Variants in PCTP observed in about 807,000 individuals in gnomAD.
PCTP encodes the protein START domain-containing protein 2.
In PCTP, 27 loss-of-function variants were observed where a neutral mutation model predicts 31.0. The ratio of observed to expected loss-of-function variants is 0.87; its 90% CI spans 0.64 to 1.20. PCTP has a LOEUF of 1.20. Among genes scored for constraint, PCTP ranks in the 50% most tolerant of loss-of-function variants. The pLI is 0.00. For missense variants in PCTP, 287 were observed against 268.2 expected, an observed-to-expected ratio of 1.07 and a Z score of -0.49; for synonymous variants, 108 against 101.2, an observed-to-expected ratio of 1.07 and a Z score of -0.40.
chr17:55,814,978 A>G (rs955544981), intron 3 of PCTP, among the ~76,000 whole-genome samples: 19 of 152,176 alleles, frequency 1.2e-4, no homozygotes, highest in African/African-American at 4.6e-4. Context: ...AACCAAGAAC[A>G]GTGAAAAATT....
Position 55,784,893 on chromosome 17 carries a change from A to G in PCTP, c.229-2673A>G, listed in dbSNP as rs542276336. 4.3e-4 allele frequency among the ~76,000 whole-genome samples: 66 copies of G among 152,286 alleles called. No homozygotes were observed. The South Asian group carries it at 0.011, about 25-fold the overall frequency. On this transcript the variant is annotated intron_variant, in intron 2 of 3. Transcript: ENST00000572536. Reference sequence around the variant, plus strand: ...TTGACTTATTCCTCTCTAGTCTTTTATCTGTTCCTCAAACATACAGTGGTC... The same window carrying G: ...TTGACTTATTCCTCTCTAGTCTTTTGTCTGTTCCTCAAACATACAGTGGTC...
chr17:55,761,690 G>C (rs1487880084), intron 1 of PCTP, among the ~76,000 whole-genome samples: 1 of 150,524 alleles, frequency 6.6e-6, no homozygotes. Flanking sequence ...TTATAACATG[G>C]CATGTAGGGT....
chr17:55,758,713 T>G (rs578228402), intron 1 of PCTP, among the ~76,000 whole-genome samples: 5 of 152,290 alleles, frequency 3.3e-5, no homozygotes, highest in African/African-American at 1.2e-4. Context: ...GCCAGCTCCT[T>G]CTTTTCTGTC....
Position 55,773,712 on chromosome 17 carries a change from C to T in PCTP, c.340-12C>T. ...TGCTGGCGTTGGTGTCTTGCCTTAA[C>T]TGGCTATGCAGTATGTCTACCTTCG... On this transcript the variant is annotated splice_polypyrimidine_tract_variant and intron_variant, in intron 3 of 5. Coordinates refer to ENST00000268896, the MANE Select transcript of PCTP (RefSeq NM_021213.4). 1 of 1,596,858 alleles carries T rather than the reference C, an allele frequency of 6.3e-7. No homozygotes were observed. The highest frequency in any genetic ancestry group is 1.1e-5 in the South Asian group (1 of 90,484).
At chr17:55,771,389 A>C (rs1399845827) in intron 3 of PCTP, among the ~76,000 whole-genome samples, 1 of 152,240 alleles carries the variant, frequency 6.6e-6, no homozygotes, top group East Asian at 1.9e-4. Flanking sequence ...GCCCAACCAC[A>C]TGAAGTGTCT....
the PCTP span, among the ~76,000 whole-genome samples, chr17:55,847,841 A>G: frequency 1.3e-5 from 2 of 152,188 alleles, no homozygotes; most frequent in African/African-American, 4.8e-5. Context: ...ACAGAGGGCA[A>G]TCTACTGTTC....
At chr17:55,751,369 C>CT (rs1329316284) in intron 1 of PCTP, 125 bp downstream of exon 1, 53 of 1,530,380 alleles carry the variant, frequency 3.5e-5, no homozygotes, top group Non-Finnish European at 4.3e-5. Flanking sequence ...CAGGAAGGAG[C>CT]TCCGCCCGGA....
chr17:55,806,217 A>T (rs1389125881), intron 3 of PCTP, among the ~76,000 whole-genome samples: 1 of 152,108 alleles, frequency 6.6e-6, no homozygotes, highest in Non-Finnish European at 1.5e-5. Context: ...TCTGGGTTTC[A>T]TATTTGAGAG....
chr17:55,822,412 C>T (rs988584399), intron 3 of PCTP, among the ~76,000 whole-genome samples: 3 of 152,058 alleles, frequency 2.0e-5, no homozygotes, highest in Admixed American at 6.6e-5. Flanking sequence ...AAAAGATGAC[C>T]GAAGAGCCTA....
intron 5 of PCTP, 103 bp downstream of exon 5, chr17:55,774,962 A>G: frequency 8.3e-7 from 1 of 1,203,832 alleles, no homozygotes; most frequent in African/African-American, 1.5e-5. Flanking sequence ...ACATTGTCTC[A>G]GGCGTAATGA....
downstream of PCTP, among the ~76,000 whole-genome samples, chr17:55,843,489 C>T (rs372841893): frequency 3.3e-5 from 5 of 152,264 alleles, no homozygotes; most frequent in South Asian, 1.0e-3. Context: ...ACGAATAAAC[C>T]GTGGTGTTTC....
chr17:55,846,577 T>G (rs944673734), downstream of PCTP, among the ~76,000 whole-genome samples: 5 of 152,184 alleles, frequency 3.3e-5, no homozygotes, highest in African/African-American at 1.2e-4. Context: ...GGCCAAGCAG[T>G]GTCTGTGTGG....
intron 3 of PCTP, among the ~76,000 whole-genome samples, chr17:55,790,410 G>A (rs1279415279): frequency 7.9e-5 from 12 of 151,804 alleles, no homozygotes; most frequent in Non-Finnish European, 1.8e-4. Flanking sequence ...AAACCCCATT[G>A]TCTCAGCCCA....
chr17:55,779,835 C>T (rs893801162), downstream of PCTP, among the ~76,000 whole-genome samples: 5 of 152,120 alleles, frequency 3.3e-5, no homozygotes, highest in African/African-American at 1.2e-4. Context: ...CAAAGTGGAA[C>T]ATCAGCTTCT....
Position 55,773,765 on chromosome 17 carries a change from G to A in PCTP, c.381G>A (p.Gly127=). The A allele has an allele frequency of 1.2e-6, 2 of 1,614,012 alleles. No homozygotes were observed. The highest frequency in any genetic ancestry group is 1.7e-6 in the Non-Finnish European group (2 of 1,179,966). The change falls in exon 4 of 6, where the codon GGG becomes GGA. Residue 127 remains glycine (G), a synonymous_variant. Transcript: ENST00000268896. The part of the protein sequence containing the change: ...LRQRRDLDME[G]RKIHVILARS... ...AGCGGCGAGACCTGGACATGGAAGG[G>A]AGGAAGATCCATGTGATCCTGGCCC...
intron 3 of PCTP, among the ~76,000 whole-genome samples, chr17:55,816,373 G>C (rs1912918098): frequency 6.6e-6 from 1 of 152,102 alleles, no homozygotes; most frequent in Non-Finnish European, 1.5e-5. Flanking sequence ...TGGAATCAAG[G>C]CTCTCTTTAA....
downstream of PCTP, among the ~76,000 whole-genome samples, chr17:55,779,920 T>C (rs1288067461): frequency 6.6e-6 from 1 of 152,068 alleles, no homozygotes; most frequent in African/African-American, 2.4e-5. Flanking sequence ...TATTGGCCCA[T>C]GTTGGGGCGC....
downstream of PCTP, among the ~76,000 whole-genome samples, chr17:55,779,404 T>A (rs928285040): frequency 3.9e-5 from 6 of 152,184 alleles, no homozygotes; most frequent in Non-Finnish European, 8.8e-5. Context: ...AGAAGAAAGC[T>A]GTTCATGACA....
chr17:55,844,646 G>T (rs1264423534), downstream of PCTP, among the ~76,000 whole-genome samples: 3 of 152,032 alleles, frequency 2.0e-5, no homozygotes, highest in Non-Finnish European at 4.4e-5. Flanking sequence ...TTCCAGTATA[G>T]ACTCACCGAC....
Sources: gnomAD v4.1 joint callset for allele counts (sites outside exome capture counted in the v4.1 genomes callset) on GRCh38, gnomAD v4.1.1 for gene constraint, MANE v1.5 for transcripts, NCBI Gene and HGNC (gene_info 2026-07-23, HGNC 2026-07-21) for gene names.